ICE1: variants seen among roughly 807,000 people sequenced by gnomAD.
ICE1 encodes interactor of little elongation complex ELL subunit 1.
Under a neutral mutation model 192.7 loss-of-function variants are expected in ICE1, and 64 were observed. That is an observed-to-expected ratio of 0.33 (90% CI 0.27 to 0.41). ICE1 has a LOEUF of 0.41. Ranked by LOEUF, ICE1 falls within the 10% of genes least tolerant of loss-of-function variation. The pLI is 1.00. For missense variants in ICE1, 2,708 were observed against 2,696.0 expected, an observed-to-expected ratio of 1.00 and a Z score of -0.10; for synonymous variants, 1,010 against 984.5, an observed-to-expected ratio of 1.03 and a Z score of -0.49.
At chr5:5,442,054 G>A (rs1457185191) in intron 5 of ICE1, among the ~76,000 whole-genome samples, 2 of 152,188 alleles carry the variant, frequency 1.3e-5, no homozygotes, top group African/African-American at 4.8e-5. Flanking sequence ...TCTTTTCATG[G>A]AAGCTCTTCT....
Position 5,489,532 on chromosome 5 carries a change from T to G in ICE1, c.*202T>G, listed in dbSNP as rs141401422. 4.6e-5 allele frequency: 23 copies of G among 498,004 alleles called. No homozygotes were observed. The highest frequency in any genetic ancestry group is 5.1e-4 in the Middle Eastern group (1 of 1,964). The allele number at this position is 498,004 out of a possible 1,614,324, so 30.8% of individuals were successfully genotyped here. ...GTCGTTTTTCCCTAAATCTAATACG[T>G]TTCACTTAAGGCTGTTGTGATCTGT... On this transcript the variant is annotated 3_prime_UTR_variant, in exon 19 of 19. Transcript: ENST00000296564.
At chr5:5,431,139 G>C (rs982399636) in intron 1 of ICE1, among the ~76,000 whole-genome samples, 1 of 152,114 alleles carries the variant, frequency 6.6e-6, no homozygotes, top group Non-Finnish European at 1.5e-5. Flanking sequence ...AGGTTTCTTC[G>C]GGGTCTCTGC....
At chr5:5,451,025 A>G (rs1229546182) in intron 10 of ICE1, among the ~76,000 whole-genome samples, 1 of 152,180 alleles carries the variant, frequency 6.6e-6, no homozygotes, top group Non-Finnish European at 1.5e-5. Context: ...TACTTTTCAA[A>G]TGTATAAAAG....
At chr5:5,452,163 ATTTTTTTT>A (rs952502832) in intron 10 of ICE1, among the ~76,000 whole-genome samples, 4 of 133,124 alleles carry the variant, frequency 3.0e-5, no homozygotes, top group African/African-American at 1.1e-4. Context: ...TGTTTGTTCC[ATTTTTTTT>A]TTTTTTTTTT....
intron 1 of ICE1, among the ~76,000 whole-genome samples, chr5:5,427,507 A>C (rs11738931): frequency 0.032 from 4,818 of 152,308 alleles, 144 homozygotes; most frequent in Middle Eastern, 0.12. Context: ...AGTTTGAAAC[A>C]CATGATTATA....
chr5:5,483,042 G>A (rs989949449), intron 17 of ICE1, among the ~76,000 whole-genome samples: 3 of 152,212 alleles, frequency 2.0e-5, no homozygotes, highest in African/African-American at 7.2e-5. Context: ...CCAAGCTGGA[G>A]TGCAATGGCG....
intron 7 of ICE1, among the ~76,000 whole-genome samples, chr5:5,447,163 G>T (rs1234596340): frequency 2.0e-5 from 3 of 152,184 alleles, no homozygotes; most frequent in Non-Finnish European, 4.4e-5. Context: ...TTAACTAGGG[G>T]TTGGGATTGC....
Position 5,461,303 on chromosome 5 carries a change from A to C in ICE1, c.1969A>C (p.Thr657Pro). ...SSSGLDCGNDTDITTKVFSTE... is the reference protein window; with the variant it reads ...SSSGLDCGNDPDITTKVFSTE... ...TTCTGGGTTAGACTGTGGTAATGATACAGATATTACTACTAAAGTATTCTC... is the reference window on the plus strand; with the variant it reads ...TTCTGGGTTAGACTGTGGTAATGATCCAGATATTACTACTAAAGTATTCTC... Residue 657 changes from threonine to proline, a missense_variant, in exon 13 of 19, where the codon ACA becomes CCA. By Grantham distance (38) the Thr-to-Pro change is conservative. Coordinates refer to ENST00000296564, the MANE Select transcript of ICE1 (RefSeq NM_015325.3). 6.2e-7 allele frequency: 1 copy of C among 1,613,762 alleles called. No individual in the cohort carries two copies.
intron 17 of ICE1, among the ~76,000 whole-genome samples, chr5:5,478,862 T>C (rs756397846): frequency 2.6e-5 from 4 of 152,194 alleles, no homozygotes; most frequent in African/African-American, 7.2e-5. Context: ...ATTCCCTATT[T>C]ATTAAATGGT....
rs773702419 is a variant in ICE1, at chr5:5,463,891, A to T, written c.4557A>T (p.Ile1519=). ...GAAATAGACCCGTTAAGCCTAGTAT[A>T]TGGATTAGTTCTCAAATCTATGATC... ...RLRNRPVKPS[I]WISSQIYDQN... is the part of the protein sequence containing the mutation. The change falls in exon 13 of 19, where the codon ATA becomes ATT. Residue 1519 remains isoleucine, a synonymous_variant. Coordinates refer to ENST00000296564, the MANE Select transcript of ICE1 (RefSeq NM_015325.3). 6.2e-7 allele frequency: 1 copy of T among 1,614,036 alleles called. No homozygotes were observed. The highest frequency in any genetic ancestry group is 8.5e-7 in the Non-Finnish European group (1 of 1,179,882).
At chr5:5,423,061 A>G (rs1737364711) in intron 1 of ICE1, 62 bp downstream of exon 1, 2 of 1,192,630 alleles carry the variant, frequency 1.7e-6, no homozygotes, top group South Asian at 2.3e-5. Context: ...CCGGGAGCGC[A>G]GGGATGTGGG....
At position 5,460,890 on chromosome 5, in the gene ICE1, A is replaced by C. The variant is rs376305235; in HGVS notation, c.1556A>C (p.Gln519Pro). 2 of 1,614,036 alleles carry C rather than the reference A, an allele frequency of 1.2e-6. No homozygotes were observed. The highest frequency in any genetic ancestry group is 2.2e-5 in the East Asian group (1 of 44,880). ...GAGAGATTGTCTGCCAGCCCTGCAC[A>C]AGAGAAGGAAGCTGCCCCTGGGAAG... ...CIERLSASPA[Q>P]EKEAAPGKSE... Residue 519 changes from glutamine to proline, a missense_variant, in exon 13 of 19, where the codon CAA becomes CCA. This residue lies in a region of ICE1 where 2,366 missense variants were observed against 2,276.6 expected (regional missense o/e 1.04). Coordinates refer to ENST00000296564, the MANE Select transcript of ICE1 (RefSeq NM_015325.3).
chr5:5,458,872 A>G (rs1738663870), intron 12 of ICE1, among the ~76,000 whole-genome samples: 1 of 152,046 alleles, frequency 6.6e-6, no homozygotes, highest in African/African-American at 2.4e-5. Flanking sequence ...CTCGCTTAAA[A>G]TATTTTTTCT....
At chr5:5,481,092 T>G (rs1739491316) in intron 17 of ICE1, among the ~76,000 whole-genome samples, 1 of 152,220 alleles carries the variant, frequency 6.6e-6, no homozygotes, top group South Asian at 2.1e-4. Context: ...AAATGCTGAT[T>G]TCAGTAGCAG....
intron 17 of ICE1, among the ~76,000 whole-genome samples, chr5:5,479,186 T>G (rs1204537481): frequency 6.6e-6 from 1 of 152,188 alleles, no homozygotes; most frequent in Non-Finnish European, 1.5e-5. Flanking sequence ...AGAAATTTTT[T>G]GCAATCTATC....
chr5:5,489,548 T>C lies in ICE1; in HGVS notation c.*218T>C. On this transcript the variant is annotated 3_prime_UTR_variant, in exon 19 of 19. Coordinates refer to ENST00000296564, the MANE Select transcript of ICE1 (RefSeq NM_015325.3). The stretch of plus-strand genomic sequence containing the variant: ...TCTAATACGTTTCACTTAAGGCTGT[T>C]GTGATCTGTGACATATGGGTTATAT... 2.2e-6 allele frequency: 1 copy of C among 445,952 alleles called. No individual in the cohort carries two copies. The allele number at this position is 445,952 out of a possible 1,614,324, so 27.6% of individuals were successfully genotyped here. A position where few individuals can be genotyped will look rare whatever the true frequency, so the allele number is the denominator to read the frequency against.
chr5:5,439,169 G>T (rs898668321), intron 3 of ICE1, among the ~76,000 whole-genome samples: 26 of 151,880 alleles, frequency 1.7e-4, no homozygotes, highest in Admixed American at 1.6e-3. Context: ...ATTTCATCAG[G>T]TATTTTTTGA....
In ICE1 at chr5:5,463,187, T is replaced by G; in HGVS notation, c.3853T>G (p.Leu1285Val). The G allele has an allele frequency of 6.2e-7, 1 of 1,611,606 alleles. No homozygotes were observed. Among genetic ancestry groups the G allele is most frequent in the African/African-American group, 1.3e-5 (1 of 74,954 alleles). ...TTGCAATGGTAAAGATACTGGCAGT[T>G]TATTGCTCTTAAATGTAAATAACAA... ...EDCNGKDTGS[L>V]LLLNVNNNMT... Residue 1285 changes from leucine (L) to valine (V), a missense_variant, in exon 13 of 19, where the codon TTA (leucine) becomes GTA (valine). Physicochemically the swap from Leu to Val is conservative, Grantham distance 32 (BLOSUM62 1). Transcript: ENST00000296564.
intron 3 of ICE1, 109 bp from the exon 4 acceptor site, chr5:5,439,786 C>A: frequency 1.6e-6 from 1 of 637,448 alleles, no homozygotes; most frequent in Non-Finnish European, 2.6e-6. Flanking sequence ...TATGATCTTG[C>A]CTGTATATAT....
Sources: gnomAD v4.1 joint callset for allele counts (sites outside exome capture counted in the v4.1 genomes callset) on GRCh38, gnomAD v4.1.1 for gene constraint, gnomAD v4.1.1 regional missense constraint, MANE v1.5 for transcripts, NCBI Gene and HGNC (gene_info 2026-07-23, HGNC 2026-07-21) for gene names.